RIMS2: variants seen among roughly 807,000 people sequenced by gnomAD.
RIMS2 encodes regulating synaptic membrane exocytosis 2.
A neutral mutation model predicts 174.4 loss-of-function variants in RIMS2; 59 were observed. The observed-to-expected ratio is 0.34, with a 90% CI of 0.27 to 0.42. RIMS2 has a LOEUF of 0.42. Ranked by LOEUF, RIMS2 falls within the 10% of genes least tolerant of loss-of-function variation. The pLI is 1.00. For missense variants in RIMS2, 1,620 were observed against 1,666.3 expected, an observed-to-expected ratio of 0.97 and a Z score of 0.48; for synonymous variants, 606 against 572.5, an observed-to-expected ratio of 1.06 and a Z score of -0.84.
At chr8:103,826,975 C>T (rs935638817) in intron 3 of RIMS2, among the ~76,000 whole-genome samples, 25 of 152,004 alleles carry the variant, frequency 1.6e-4, no homozygotes, top group Non-Finnish European at 7.4e-5. Context: ...TATGCCCAGC[C>T]TCATATATTT....
At chr8:103,757,940 C>T (rs551142910) in intron 2 of RIMS2, among the ~76,000 whole-genome samples, 1 of 152,228 alleles carries the variant, frequency 6.6e-6, no homozygotes, top group African/African-American at 2.4e-5. Context: ...GGATCATGGC[C>T]CTGTTGACAT....
At chr8:103,554,243 G>T (rs1849404566) in intron 1 of RIMS2, among the ~76,000 whole-genome samples, 1 of 152,124 alleles carries the variant, frequency 6.6e-6, no homozygotes, top group African/African-American at 2.4e-5. Context: ...TGTCAACAGA[G>T]TAAATAGACA....
chr8:103,577,362 A>G (rs906807688), intron 1 of RIMS2, among the ~76,000 whole-genome samples: 35 of 152,226 alleles, frequency 2.3e-4, no homozygotes, highest in African/African-American at 8.4e-4. Flanking sequence ...ATGCAAATCA[A>G]AACCACAGTG....
rs1216333752 is a variant in RIMS2, at chr8:103,834,744, C to CTTTCTTTCTTTCTTTCTT, written c.699-50553_699-50552insTTCTTTCTTTCTTTCTTT. On this transcript the variant is annotated intron_variant, in intron 3 of 23. Coordinates refer to ENST00000504942, the Ensembl canonical transcript of RIMS2. ...TCTTTCTTTCTTTCTTTCTTTCTTTCTCTCTCTTTCTTTTTCTCTCTCTCT... is the reference window on the plus strand; with the variant it reads ...TCTTTCTTTCTTTCTTTCTTTCTTTCTTTCTTTCTTTCTTTCTTTCTCTCTTTCTTTTTCTCTCTCTCT... Among the ~76,000 whole-genome samples, 36 of 105,274 alleles carry CTTTCTTTCTTTCTTTCTT rather than the reference C, an allele frequency of 3.4e-4. 1 individual carries two copies. The highest frequency in any genetic ancestry group is 1.2e-3 in the African/African-American group (34 of 27,828). 69.1% of individuals were successfully genotyped at this position (105,274 alleles called of 152,430 possible). A position where few individuals can be genotyped will look rare whatever the true frequency, so the allele number is the denominator to read the frequency against.
chr8:103,952,874 T>TA (rs2085871107), intron 14 of RIMS2, among the ~76,000 whole-genome samples: 1 of 152,116 alleles, frequency 6.6e-6, no homozygotes, highest in Admixed American at 6.5e-5. Context: ...GAAAAAAGGT[T>TA]AGACGAATTG....
At chr8:104,138,290 C>G (rs1476215559) in intron 19 of RIMS2, among the ~76,000 whole-genome samples, 1 of 152,098 alleles carries the variant, frequency 6.6e-6, no homozygotes, top group Non-Finnish European at 1.5e-5. Flanking sequence ...GGGTGTATAT[C>G]TCACAGTGGG....
intron 1 of RIMS2, among the ~76,000 whole-genome samples, chr8:103,688,409 T>C (rs1296527904): frequency 6.6e-6 from 1 of 152,136 alleles, no homozygotes; most frequent in Non-Finnish European, 1.5e-5. Context: ...TAGAATTGTA[T>C]ATGTTGAACT....
chr8:103,787,613 T>G (rs199897044), intron 3 of RIMS2, among the ~76,000 whole-genome samples: 1 of 152,208 alleles, frequency 6.6e-6, no homozygotes, highest in Non-Finnish European at 1.5e-5. Flanking sequence ...ACTCTCTTCT[T>G]GCTTGTAGGG....
intron 2 of RIMS2, among the ~76,000 whole-genome samples, chr8:103,731,007 G>A (rs1485633055): frequency 1.3e-5 from 2 of 152,130 alleles, no homozygotes; most frequent in Non-Finnish European, 2.9e-5. Context: ...CATGGATGGC[G>A]GCAGTCAAGA....
chr8:103,842,185 C>T (rs2098943869), intron 3 of RIMS2, among the ~76,000 whole-genome samples: 1 of 152,008 alleles, frequency 6.6e-6, no homozygotes, highest in Admixed American at 6.6e-5. Flanking sequence ...TCTATTGACT[C>T]TCCTTATAAT....
chr8:104,215,470 T>C (rs1410318213), intron 19 of RIMS2, among the ~76,000 whole-genome samples: 3 of 152,206 alleles, frequency 2.0e-5, no homozygotes, highest in Non-Finnish European at 4.4e-5. Context: ...ATATGCAAAC[T>C]TTTTACAAAT....
At chr8:104,148,065 A>G (rs2098657414) in intron 19 of RIMS2, among the ~76,000 whole-genome samples, 1 of 152,182 alleles carries the variant, frequency 6.6e-6, no homozygotes, top group Admixed American at 6.5e-5. Context: ...ATTCAAAGCT[A>G]ATGAAAATAG....
intron 3 of RIMS2, among the ~76,000 whole-genome samples, chr8:103,837,570 T>G (rs1008892195): frequency 6.6e-6 from 1 of 152,200 alleles, no homozygotes; most frequent in African/African-American, 2.4e-5. Flanking sequence ...GTCCATGTGT[T>G]CTCATTGTTC....
chr8:103,583,956 A>G (rs1365285), intron 1 of RIMS2, among the ~76,000 whole-genome samples: 18,872 of 152,218 alleles, frequency 0.12, 1,268 homozygotes, highest in Middle Eastern at 0.22. Flanking sequence ...TATTATATCC[A>G]AGTACAAGAA....
At chr8:103,523,763 T>A (rs985938523) in intron 1 of RIMS2, among the ~76,000 whole-genome samples, 10 of 152,096 alleles carry the variant, frequency 6.6e-5, no homozygotes, top group Non-Finnish European at 7.4e-5. Flanking sequence ...TCCCAAGACT[T>A]GTGATTTTTT....
chr8:103,783,467 G>A lies in RIMS2; in HGVS notation c.698+16930G>A, dbSNP rs548015948. ...CCCAGAGTGTGATATTCCCCTTCAT[G>A]TGTCCATGTGATCTCATTGTTCAAT... On this transcript the variant is annotated intron_variant, in intron 3 of 23. Transcript: ENST00000504942. Among the ~76,000 whole-genome samples, 538 of 144,522 alleles carry A rather than the reference G, an allele frequency of 3.7e-3. 1 individual carries two copies. Among genetic ancestry groups the A allele is most frequent in the Non-Finnish European group, 5.3e-3 (355 of 67,022 alleles). The allele number at this position is 144,522 out of a possible 152,430, so 94.8% of individuals were successfully genotyped here.
At chr8:103,925,937 A>G (rs1018751064) in intron 10 of RIMS2, among the ~76,000 whole-genome samples, 3 of 151,582 alleles carry the variant, frequency 2.0e-5, no homozygotes, top group Non-Finnish European at 4.4e-5. Context: ...AAATATTGTC[A>G]ACGCAAAAAT....
At chr8:104,036,561 T>A (rs1235424293) in intron 19 of RIMS2, among the ~76,000 whole-genome samples, 2 of 151,934 alleles carry the variant, frequency 1.3e-5, no homozygotes, top group African/African-American at 4.8e-5. Context: ...ACAGCACAGC[T>A]CAAAATAGGA....
chr8:103,765,147 G>T (rs1192881242), intron 2 of RIMS2, among the ~76,000 whole-genome samples: 7 of 152,116 alleles, frequency 4.6e-5, no homozygotes, highest in Admixed American at 4.6e-4. Context: ...CTGTGTAAGA[G>T]TAAGTATTTG....
Sources: allele counts gnomAD v4.1 joint callset (sites outside exome capture counted in the v4.1 genomes callset), GRCh38; gene constraint gnomAD v4.1.1; transcripts MANE v1.5; gene names NCBI Gene and HGNC (gene_info 2026-07-23, HGNC 2026-07-21).